Variants in ACSM3 observed in about 807,000 individuals in gnomAD.
The protein encoded by ACSM3 is acyl-coenzyme A synthetase ACSM3, mitochondrial.
A neutral mutation model predicts 74.1 loss-of-function variants in ACSM3; 61 were observed. The ratio of observed to expected loss-of-function variants is 0.82; its 90% CI spans 0.67 to 1.02. The LOEUF (loss-of-function observed/expected upper bound fraction) is 1.02, where lower values mean the gene tolerates loss of function less well. Among genes scored for constraint, ACSM3 ranks in the 50% least tolerant of loss-of-function variants. ACSM3 has a pLI of 0.00. For missense variants in ACSM3, 660 were observed against 697.0 expected, an observed-to-expected ratio of 0.95 and a Z score of 0.60; for synonymous variants, 213 against 241.5, an observed-to-expected ratio of 0.88 and a Z score of 1.09.
intron 1 of ACSM3, chr16:20,682,139 G>T: frequency 1.1e-6 from 1 of 947,310 alleles, no homozygotes; most frequent in Non-Finnish European, 1.6e-6. Flanking sequence ...TAATCTGACT[G>T]GGCTGGTGCA....
intron 3 of ACSM3, among the ~76,000 whole-genome samples, chr16:20,758,288 A>T (rs2152440648): frequency 6.6e-6 from 1 of 152,274 alleles, no homozygotes; most frequent in East Asian, 1.9e-4. Flanking sequence ...TTGGTAAGCT[A>T]TTGATTATTG....
Position 20,790,876 on chromosome 16 carries a change from C to T in ACSM3, c.1326+188C>T. ...CAAATTCTTGCTGAAGAAAAGCATG[C>T]TGGTCCCCTGAGGCCAGATCACTGT... On this transcript the variant is annotated intron_variant, in intron 10 of 13. Coordinates refer to ENST00000289416, the MANE Select transcript of ACSM3 (RefSeq NM_005622.4). The surrounding 1 kb of genome is among the most constrained non-coding windows in gnomAD (Gnocchi z 4.0). 2 of 1,614,020 alleles carry T rather than the reference C, an allele frequency of 1.2e-6. No homozygotes were observed. The highest frequency in any genetic ancestry group is 1.7e-6 in the Non-Finnish European group (2 of 1,179,956).
At chr16:20,682,229 A>G in intron 1 of ACSM3, 1 of 1,606,466 alleles carries the variant, frequency 6.2e-7, no homozygotes, top group Non-Finnish European at 8.5e-7. Context: ...GTACTCAGAG[A>G]TTATATTCAT....
chr16:20,761,653 C>T (rs778967366), upstream of ACSM3, among the ~76,000 whole-genome samples: 2 of 152,206 alleles, frequency 1.3e-5, no homozygotes, highest in Admixed American at 6.5e-5. Flanking sequence ...GATGGTCAGG[C>T]GGTTATTAAA....
At chr16:20,766,702 G>A (rs1039692429) in intron 1 of ACSM3, 2 of 152,234 alleles carry the variant, frequency 1.3e-5, no homozygotes, top group Admixed American at 1.3e-4. Context: ...TCCAGTCTGG[G>A]TGACAGAGTG....
chr16:20,705,442 T>G (rs1567320149), intron 1 of ACSM3, among the ~76,000 whole-genome samples: 2 of 151,140 alleles, frequency 1.3e-5, no homozygotes, highest in East Asian at 3.9e-4. Context: ...TTAGGAAAAG[T>G]CTACCTTTGA....
chr16:20,699,457 T>C (rs963939102), intron 1 of ACSM3, among the ~76,000 whole-genome samples: 3 of 152,322 alleles, frequency 2.0e-5, no homozygotes, highest in Middle Eastern at 3.4e-3. Context: ...TTTGGGTTTT[T>C]AATATTTAGC....
chr16:20,728,555 T>C (rs1318883698), intron 1 of ACSM3: 2 of 546,498 alleles, frequency 3.7e-6, no homozygotes, highest in Admixed American at 3.2e-5. Flanking sequence ...ATTTCCACCA[T>C]GTCTTGCTAT....
At chr16:20,711,539 C>A in intron 1 of ACSM3, 1 of 1,424,798 alleles carries the variant, frequency 7.0e-7, no homozygotes, top group Non-Finnish European at 9.7e-7. Context: ...CTGCAAGCAT[C>A]CAAGGCCAAG....
At chr16:20,722,939 G>A (rs1174051407) in intron 1 of ACSM3, among the ~76,000 whole-genome samples, 2 of 152,160 alleles carry the variant, frequency 1.3e-5, no homozygotes, top group South Asian at 2.1e-4. Context: ...TGTGCACAAC[G>A]TGCAGGTTTG....
chr16:20,761,913 T>C (rs2080080108), upstream of ACSM3, among the ~76,000 whole-genome samples: 1 of 152,160 alleles, frequency 6.6e-6, no homozygotes, highest in Admixed American at 6.5e-5. Flanking sequence ...AGTAAAGACA[T>C]TGCACATGTG....
At chr16:20,719,406 G>T in intron 1 of ACSM3, 1 of 239,204 alleles carries the variant, frequency 4.2e-6, no homozygotes, top group South Asian at 7.8e-5. Flanking sequence ...CCTCCAGCTA[G>T]ATAGATCTTT....
At chr16:20,705,835 T>G (rs2079725857) in intron 1 of ACSM3, among the ~76,000 whole-genome samples, 1 of 152,136 alleles carries the variant, frequency 6.6e-6, no homozygotes, top group African/African-American at 2.4e-5. Flanking sequence ...ATCATTATGC[T>G]CAAGGACTAA....
At chr16:20,708,260 C>G (rs528480377) in intron 1 of ACSM3, among the ~76,000 whole-genome samples, 8 of 152,132 alleles carry the variant, frequency 5.3e-5, no homozygotes, top group South Asian at 2.1e-4. Context: ...GAGATCACGC[C>G]ACTGCACTCC....
chr16:20,770,853 A>G (rs901149847), intron 2 of ACSM3, among the ~76,000 whole-genome samples: 2 of 152,196 alleles, frequency 1.3e-5, no homozygotes, highest in African/African-American at 2.4e-5. Flanking sequence ...TAGGCTACCC[A>G]TCATCCCAAA....
intron 1 of ACSM3, among the ~76,000 whole-genome samples, chr16:20,684,608 T>C (rs1035500173): frequency 6.6e-6 from 1 of 152,222 alleles, no homozygotes; most frequent in African/African-American, 2.4e-5. Context: ...TCTTCAAAAA[T>C]GTCACTGTCA....
intron 1 of ACSM3, among the ~76,000 whole-genome samples, chr16:20,675,260 T>C (rs1183187855): frequency 6.7e-6 from 1 of 150,286 alleles, no homozygotes; most frequent in African/African-American, 2.5e-5. Flanking sequence ...GCAAGGGAGG[T>C]GTGTGAAAGT....
chr16:20,736,275 C>G (rs1041149295), intron 1 of ACSM3: 6 of 151,624 alleles, frequency 4.0e-5, no homozygotes, highest in Admixed American at 2.6e-4. Flanking sequence ...CCAACCTTTT[C>G]AGAAATGTCT....
intron 1 of ACSM3, among the ~76,000 whole-genome samples, chr16:20,766,967 A>G (rs544356920): frequency 1.3e-5 from 2 of 152,268 alleles, no homozygotes; most frequent in African/African-American, 4.8e-5. Context: ...ATAAGTAGAA[A>G]TAATAATAGT....
Sources: allele counts gnomAD v4.1 joint callset (sites outside exome capture counted in the v4.1 genomes callset), GRCh38; gene constraint gnomAD v4.1.1; non-coding constraint Gnocchi (gnomAD v3.1); transcripts MANE v1.5; gene names NCBI Gene and HGNC (gene_info 2026-07-23, HGNC 2026-07-21).